Variants in DMD observed in about 807,000 individuals in gnomAD.
DMD encodes the protein dystrophin, also known as mutant dystrophin.
In DMD, 63 loss-of-function variants were observed where a neutral mutation model predicts 330.1. The observed-to-expected ratio is 0.19, with a 90% CI of 0.16 to 0.24. The LOEUF (loss-of-function observed/expected upper bound fraction) is 0.24. Among genes scored for constraint, DMD ranks in the 10% least tolerant of loss-of-function variants. The pLI, the probability that DMD is intolerant of heterozygous loss-of-function variation, is 1.00. For synonymous variants in DMD, 1,223 were observed against 959.8 expected (o/e 1.27, Z -5.07); for missense variants, 3,344 against 2,684.1 (o/e 1.25, Z -5.43).
chrX:31,763,838 A>G lies in DMD; in HGVS notation c.7542+10122T>C, dbSNP rs186332219. 5.5e-4 allele frequency among the ~76,000 whole-genome samples: 61 copies of G among 109,976 alleles called. 1 individual carries two copies. The highest frequency in any genetic ancestry group is 2.6e-3 in the Admixed American group (27 of 10,395). On this transcript the variant is annotated intron_variant, in intron 51 of 78. Coordinates refer to ENST00000357033, the MANE Select transcript of DMD (RefSeq NM_004006.3). ...CAAAGTTTCCAAATGTTAAAATAAAATATATCCTCATTTTTATTTATTTAT... is the reference window on the plus strand; with the variant it reads ...CAAAGTTTCCAAATGTTAAAATAAAGTATATCCTCATTTTTATTTATTTAT...
chrX:31,553,715 A>G (rs1223362087), intron 55 of DMD, among the ~76,000 whole-genome samples: 2 of 112,582 alleles, frequency 1.8e-5, no homozygotes, highest in African/African-American at 6.5e-5. Context: ...TGAAAAGGTG[A>G]GCAATAGCTA....
At chrX:32,908,354 A>C (rs2086900459) in intron 2 of DMD, among the ~76,000 whole-genome samples, 1 of 112,007 alleles carries the variant, frequency 8.9e-6, no homozygotes, top group African/African-American at 3.2e-5. Flanking sequence ...TTTCTGGCCT[A>C]CTTTTCAAAA....
At chrX:32,517,232 C>T (rs1297231800) in intron 18 of DMD, 1 of 111,918 alleles carries the variant, frequency 8.9e-6, no homozygotes, top group East Asian at 2.8e-4. Context: ...ATCACTGCTT[C>T]CTTAGCTTGC....
At chrX:32,068,079 T>C (rs1348171234) in intron 44 of DMD, among the ~76,000 whole-genome samples, 1 of 111,646 alleles carries the variant, frequency 9.0e-6, no homozygotes, top group Non-Finnish European at 1.9e-5. Flanking sequence ...CTCCTTGCGG[T>C]TTTGATTTGC....
chrX:32,813,703 T>C (rs1291451422), intron 6 of DMD, among the ~76,000 whole-genome samples: 1 of 111,575 alleles, frequency 9.0e-6, no homozygotes, highest in Non-Finnish European at 1.9e-5. Flanking sequence ...CAAATACTAC[T>C]GATGCAAACA....
intron 44 of DMD, among the ~76,000 whole-genome samples, chrX:32,214,224 TAAAAAAAAAAAAAAA>T (rs200083093): frequency 1.1e-5 from 1 of 89,003 alleles, no homozygotes; most frequent in Non-Finnish European, 2.2e-5. Flanking sequence ...CTGAAACACT[TAAAAAAAAAAAAAAA>T]AAAAAAAAGA....
chrX:32,616,929 T>A (rs1387891802), intron 11 of DMD, among the ~76,000 whole-genome samples: 1 of 109,653 alleles, frequency 9.1e-6, no homozygotes, highest in Non-Finnish European at 1.9e-5. Flanking sequence ...CTGTTCCTTA[T>A]CTGTGAACTA....
chrX:32,072,875 T>C (rs772579779), intron 44 of DMD, among the ~76,000 whole-genome samples: 85 of 112,167 alleles, frequency 7.6e-4, no homozygotes, highest in Non-Finnish European at 2.1e-4. Context: ...TTTCTTAATT[T>C]TTTTTTAGTG....
At chrX:32,706,712 A>G (rs1198292350) in intron 7 of DMD, among the ~76,000 whole-genome samples, 2 of 112,457 alleles carry the variant, frequency 1.8e-5, no homozygotes, top group African/African-American at 6.5e-5. Flanking sequence ...CTGTTAATCA[A>G]TAAATCCTAA....
intron 1 of DMD, among the ~76,000 whole-genome samples, chrX:33,257,309 T>G (rs2052874660): frequency 9.0e-6 from 1 of 111,057 alleles, no homozygotes; most frequent in Non-Finnish European, 1.9e-5. Context: ...TCCCTCCAAT[T>G]TTTTTTAGCA....
chrX:33,089,080 T>A lies in DMD; in HGVS notation c.32-68880A>T, dbSNP rs1048999652. Among the ~76,000 whole-genome samples, 9 of 104,994 alleles carry A rather than the reference T, an allele frequency of 8.6e-5. No homozygotes were observed. The South Asian group carries it at 4.0e-3, about 47-fold the overall frequency. 91.2% of individuals were successfully genotyped at this position (104,994 alleles called of 115,157 possible). A position where few individuals can be genotyped will look rare whatever the true frequency, so the allele number is the denominator to read the frequency against. On this transcript the variant is annotated intron_variant, in intron 1 of 78. Coordinates refer to ENST00000357033, the MANE Select transcript of DMD (RefSeq NM_004006.3). ...ACTCAATTCATTTTTTTTTTTTTTT[T>A]TTTGAGACAGAGTCTTGCTCTGTCA...
At chrX:31,133,731 A>G (rs2034816855) in intron 77 of DMD, among the ~76,000 whole-genome samples, 1 of 111,773 alleles carries the variant, frequency 8.9e-6, no homozygotes, top group African/African-American at 3.3e-5. Flanking sequence ...CGTAGTAGCC[A>G]TATGTCCCTG....
intron 78 of DMD, among the ~76,000 whole-genome samples, chrX:31,122,923 A>G (rs1388976991): frequency 8.9e-6 from 1 of 111,989 alleles, no homozygotes; most frequent in Non-Finnish European, 1.9e-5. Flanking sequence ...ATAGTTTTAC[A>G]TGGCTAATTT....
chrX:33,011,554 T>C (rs1343970869), intron 2 of DMD, among the ~76,000 whole-genome samples: 1 of 112,461 alleles, frequency 8.9e-6, no homozygotes, highest in African/African-American at 3.2e-5. Context: ...TTAAAGATTA[T>C]GTTTTATTTT....
At chrX:32,088,888 G>A (rs2096457935) in intron 44 of DMD, among the ~76,000 whole-genome samples, 1 of 111,175 alleles carries the variant, frequency 9.0e-6, no homozygotes, top group African/African-American at 3.3e-5. Context: ...TGTTCAGTCC[G>A]AGCCCTAAAA....
At chrX:32,318,578 T>C (rs1185869011) in intron 41 of DMD, among the ~76,000 whole-genome samples, 1 of 111,144 alleles carries the variant, frequency 9.0e-6, no homozygotes, top group Non-Finnish European at 1.9e-5. Flanking sequence ...TTTGCTCTTA[T>C]GTGATTTCCC....
chrX:32,033,603 C>CAGACAGAAAGAAAGAA (rs1217395754), intron 44 of DMD, among the ~76,000 whole-genome samples: 3 of 59,938 alleles, frequency 5.0e-5, no homozygotes, highest in Non-Finnish European at 5.9e-5. Context: ...GACAGACAGA[C>CAGACAGAAAGAAAGAA]AGAAAGAAAG....
intron 9 of DMD, among the ~76,000 whole-genome samples, chrX:32,663,460 G>A (rs922940798): frequency 1.8e-5 from 2 of 111,555 alleles, no homozygotes; most frequent in Non-Finnish European, 3.8e-5. Flanking sequence ...GACTTGCCAG[G>A]TAGAAGAGCA....
intron 2 of DMD, among the ~76,000 whole-genome samples, chrX:32,950,982 C>T (rs1191859248): frequency 2.7e-5 from 3 of 111,309 alleles, no homozygotes; most frequent in Non-Finnish European, 3.8e-5. Context: ...TTGGTTGAAC[C>T]TCCTAAAGTT....
Sources: gnomAD v4.1 joint callset for allele counts (sites outside exome capture counted in the v4.1 genomes callset) on GRCh38, gnomAD v4.1.1 for gene constraint, MANE v1.5 for transcripts, NCBI Gene and HGNC (gene_info 2026-07-23, HGNC 2026-07-21) for gene names.